Variants in RAB40B observed in about 807,000 individuals in gnomAD.
RAB40B encodes ras-related protein Rab-40B.
A neutral mutation model predicts 24.0 loss-of-function variants in RAB40B; 21 were observed. That is an observed-to-expected ratio of 0.88 (90% confidence interval 0.62 to 1.26). The LOEUF (loss-of-function observed/expected upper bound fraction) is 1.26, where lower values mean the gene tolerates loss of function less well. Among genes scored for constraint, RAB40B ranks in the 50% most tolerant of loss-of-function variants. RAB40B has a pLI of 0.00. For synonymous variants in RAB40B, 167 were observed against 169.8 expected, an observed-to-expected ratio of 0.98 and a Z score of 0.13; for missense variants, 348 against 390.5, an observed-to-expected ratio of 0.89 and a Z score of 0.92.
intron 5 of RAB40B, 135 bp from the exon 6 acceptor site, chr17:82,658,269 C>G (rs2046112158): frequency 1.6e-6 from 2 of 1,277,752 alleles, no homozygotes; most frequent in Middle Eastern, 2.8e-4. Context: ...ATGCAGCAAG[C>G]CCTGCCGCGA....
At chr17:82,672,585 C>A (rs1272523515) in intron 1 of RAB40B, among the ~76,000 whole-genome samples, 1 of 152,162 alleles carries the variant, frequency 6.6e-6, no homozygotes, top group Non-Finnish European at 1.5e-5. Context: ...TAGGTAGGGT[C>A]AGCAGGGTGG....
intron 3 of RAB40B, among the ~76,000 whole-genome samples, chr17:82,660,616 C>T (rs1051884394): frequency 9.2e-5 from 14 of 151,936 alleles, no homozygotes; most frequent in African/African-American, 2.9e-4. Context: ...CATACCTGCA[C>T]ACACGTGCAC....
At chr17:82,685,756 A>C (rs1191618881) in intron 1 of RAB40B, among the ~76,000 whole-genome samples, 1 of 151,962 alleles carries the variant, frequency 6.6e-6, no homozygotes, top group Admixed American at 6.5e-5. Context: ...ACATTCACCC[A>C]GAACTTCAGA....
At chr17:82,673,695 C>T (rs2046363502) in intron 1 of RAB40B, among the ~76,000 whole-genome samples, 1 of 152,214 alleles carries the variant, frequency 6.6e-6, no homozygotes, top group African/African-American at 2.4e-5. Flanking sequence ...GGTTTTCCTC[C>T]TGGTGGGCAT....
intron 2 of RAB40B, 53 bp downstream of exon 2, chr17:82,664,443 C>A: frequency 6.3e-7 from 1 of 1,583,330 alleles, no homozygotes; most frequent in Non-Finnish European, 8.6e-7. Context: ...CTATGCCAGC[C>A]AGGGGGGTTA....
Position 82,668,823 on chromosome 17 carries a change from T to C in RAB40B, c.143-4267A>G, listed in dbSNP as rs1598301680. On this transcript the variant is annotated intron_variant, in intron 1 of 5. Transcript: ENST00000571995. ...ACGCAGGGAAGGCGGAGCTGCTGCC[T>C]GATCCGTGGATCGAGAGGCCCAGCC... is the stretch of plus-strand genomic sequence containing the variant. 2.6e-5 allele frequency among the ~76,000 whole-genome samples: 4 copies of C among 152,336 alleles called. No individual in the cohort carries two copies. In the South Asian group the frequency reaches 8.3e-4, roughly 32 times the overall value.
At chr17:82,662,865 C>T in intron 2 of RAB40B, 1 of 965,936 alleles carries the variant, frequency 1.0e-6, no homozygotes, top group Non-Finnish European at 1.2e-6. Context: ...GGGCACGCGC[C>T]AGCCCTGATG....
At position 82,655,329 on chromosome 17, in the gene RAB40B, C is replaced by T. The variant is rs2046079774; in HGVS notation, c.*2534G>A. 6.6e-6 allele frequency: 1 copy of T among 152,188 alleles called. No homozygotes were observed. The highest frequency in any genetic ancestry group is 2.4e-5 in the African/African-American group (1 of 41,438). 9.4% of individuals were successfully genotyped at this position (152,188 alleles called of 1,614,324 possible). A position where few individuals can be genotyped will look rare whatever the true frequency, so the allele number is the denominator to read the frequency against. On this transcript the variant is annotated 3_prime_UTR_variant, in exon 6 of 6. Coordinates refer to ENST00000571995, the MANE Select transcript of RAB40B (RefSeq NM_006822.3). ...GTGGTGTTTCCCTGGAGGGCCAAGG[C>T]CTCCGGGCGGCCCGTGCATTCGGTG...
At chr17:82,694,382 A>G (rs1296004491) in intron 1 of RAB40B, among the ~76,000 whole-genome samples, 1 of 151,164 alleles carries the variant, frequency 6.6e-6, no homozygotes, top group Non-Finnish European at 1.5e-5. Flanking sequence ...ACAAAAACAA[A>G]TTGGCCCAGT....
At chr17:82,669,050 GA>G (rs1455702056) in intron 1 of RAB40B, among the ~76,000 whole-genome samples, 1 of 152,224 alleles carries the variant, frequency 6.6e-6, no homozygotes, top group African/African-American at 2.4e-5. Context: ...TTACAGAAAG[GA>G]AAATAGCCAG....
intron 1 of RAB40B, among the ~76,000 whole-genome samples, chr17:82,684,217 T>C (rs1213600409): frequency 4.3e-5 from 2 of 46,220 alleles, no homozygotes; most frequent in African/African-American, 5.9e-5. Flanking sequence ...TGAGACTCTG[T>C]CTCAAAAAAA....
At position 82,657,731 on chromosome 17, in the gene RAB40B, G is replaced by A. The variant is rs1398390658; in HGVS notation, c.*132C>T. 1.0e-5 allele frequency: 11 copies of A among 1,081,830 alleles called. No homozygotes were observed. Among genetic ancestry groups the A allele is most frequent in the Middle Eastern group, 2.0e-4 (1 of 5,064 alleles). The allele number at this position is 1,081,830 out of a possible 1,614,324, so 67.0% of individuals were successfully genotyped here. ...ACGGGGTAGTGTGTTTCCATCACAC[G>A]GAAGGCGTCGCACACATTCGCAAGC... On this transcript the variant is annotated 3_prime_UTR_variant, in exon 6 of 6. Transcript: ENST00000571995.
rs2046637010 is a variant in RAB40B at position 82,698,510 on chromosome 17, C to G, written c.87G>C (p.Glu29Asp). ...LVGDSDVGKG[E>D]ILASLQDGAA... ...CGCCATCCTGCAGGCTCGCCAGGAT[C>G]TCGCCCTTGCCCACGTCGCTGTCGC... The change falls in exon 1 of 6, where the codon GAG becomes GAC. Residue 29 changes from glutamate to aspartate, a missense_variant. By Grantham distance (45) the Glu-to-Asp change is conservative (BLOSUM62 2). Transcript: ENST00000571995. 1 of 1,523,588 alleles carries G rather than the reference C, an allele frequency of 6.6e-7. No homozygotes were observed. Among genetic ancestry groups the G allele is most frequent in the East Asian group, 2.8e-5 (1 of 35,486 alleles). The allele number at this position is 1,523,588 out of a possible 1,614,324, so 94.4% of individuals were successfully genotyped here. A position where few individuals can be genotyped will look rare whatever the true frequency, so the allele number is the denominator to read the frequency against.
intron 1 of RAB40B, among the ~76,000 whole-genome samples, chr17:82,689,122 A>G (rs1021208755): frequency 4.6e-5 from 7 of 152,282 alleles, no homozygotes; most frequent in African/African-American, 1.7e-4. Flanking sequence ...ACCCACAGCC[A>G]GCACATACCA....
chr17:82,694,591 C>A (rs899833649), intron 1 of RAB40B, among the ~76,000 whole-genome samples: 1 of 151,294 alleles, frequency 6.6e-6, no homozygotes. Context: ...TCAAAGAGTA[C>A]GTTCATACTA....
At chr17:82,696,171 T>C (rs1271950728) in intron 1 of RAB40B, among the ~76,000 whole-genome samples, 2 of 152,144 alleles carry the variant, frequency 1.3e-5, no homozygotes, top group East Asian at 3.9e-4. Flanking sequence ...CCCGGCCCGG[T>C]GGGAGGTGTA....
chr17:82,696,234 A>T (rs1013492239), intron 1 of RAB40B, among the ~76,000 whole-genome samples: 7 of 152,176 alleles, frequency 4.6e-5, no homozygotes, highest in Non-Finnish European at 1.5e-5. Context: ...ATTACAAAGC[A>T]TTGGACCATT....
chr17:82,678,380 A>G (rs2046415823), intron 1 of RAB40B, among the ~76,000 whole-genome samples: 1 of 152,234 alleles, frequency 6.6e-6, no homozygotes, highest in Admixed American at 6.5e-5. Context: ...TCACTGAGTG[A>G]GTCAGAAAAC....
chr17:82,684,157 G>T (rs1598313156), intron 1 of RAB40B, among the ~76,000 whole-genome samples: 2 of 147,820 alleles, frequency 1.4e-5, no homozygotes, highest in Admixed American at 1.4e-4. Context: ...GGAGGCAGGG[G>T]TTGCAGTGAG....
Sources: gnomAD v4.1 joint callset for allele counts (sites outside exome capture counted in the v4.1 genomes callset) on GRCh38, gnomAD v4.1.1 for gene constraint, MANE v1.5 for transcripts, NCBI Gene and HGNC (gene_info 2026-07-23, HGNC 2026-07-21) for gene names.